The following HS1BP3 variants were observed in gnomAD, a reference collection of about 807,000 sequenced individuals.
HS1BP3 encodes the protein HCLS1 binding protein 3, also known as HCLS1-binding protein 3.
HS1BP3 carries 32 observed loss-of-function variants against 33.5 expected under a neutral mutation model. The ratio of observed to expected loss-of-function variants is 0.95; its 90% CI spans 0.72 to 1.28. The LOEUF is 1.28. Among genes scored for constraint, HS1BP3 ranks in the 50% most tolerant of loss-of-function variants. HS1BP3 has a pLI of 0.00. For missense variants in HS1BP3, 486 were observed against 502.3 expected (o/e 0.97, Z 0.31); for synonymous variants, 187 against 209.2 (o/e 0.89, Z 0.92).
chr2:20,558,213 G>A (rs909426391), downstream of HS1BP3, among the ~76,000 whole-genome samples: 2 of 152,190 alleles, frequency 1.3e-5, no homozygotes, highest in African/African-American at 2.4e-5. Context: ...GAAGAGGTGG[G>A]AGAGGGAATA....
intron 4 of HS1BP3, among the ~76,000 whole-genome samples, chr2:20,629,250 G>A (rs1694894285): frequency 6.6e-6 from 1 of 152,132 alleles, no homozygotes; most frequent in Non-Finnish European, 1.5e-5. Context: ...ATGGAGTCGG[G>A]TCAGGTCGCA....
intron 1 of HS1BP3, among the ~76,000 whole-genome samples, chr2:20,648,082 C>T (rs553605153): frequency 2.0e-5 from 3 of 152,208 alleles, no homozygotes; most frequent in Non-Finnish European, 2.9e-5. Flanking sequence ...GCAGCGGCTC[C>T]GAGGCCCTCC....
intron 6 of HS1BP3, chr2:20,623,456 T>G (rs1372819400): frequency 6.5e-6 from 1 of 154,930 alleles, no homozygotes; most frequent in Non-Finnish European, 1.4e-5. Flanking sequence ...CTGTGAAAGC[T>G]GCCGACCGGG....
intron 3 of HS1BP3, 136 bp downstream of exon 3, chr2:20,640,837 G>A: frequency 1.2e-6 from 1 of 822,132 alleles, no homozygotes; most frequent in Non-Finnish European, 2.0e-6. Flanking sequence ...TGTCAGCGAG[G>A]CCACCTGCCT....
At chr2:20,606,378 C>A in intron 2 of HS1BP3, 1 of 465,726 alleles carries the variant, frequency 2.1e-6, no homozygotes, top group South Asian at 1.8e-5. Flanking sequence ...GAGTCCTTTG[C>A]TAAGGAGCTC....
chr2:20,581,856 G>A (rs57100514), intron 5 of HS1BP3, among the ~76,000 whole-genome samples: 425 of 152,320 alleles, frequency 2.8e-3, no homozygotes, highest in African/African-American at 9.6e-3. Context: ...TCTGCTGCTA[G>A]TTGTAGGCCA....
rs1168138384 is a variant in HS1BP3 at position 20,617,916 on chromosome 2, A to G, written c.*1071T>C. ...GTGTACCAGCGCTCTGGGGGTCGGG[A>G]GAAGTCTAAGGCACGGGCCCTGCCC... is the stretch of plus-strand genomic sequence containing the variant. On this transcript the variant is annotated 3_prime_UTR_variant, in exon 7 of 7. Coordinates refer to ENST00000304031, the MANE Select transcript of HS1BP3 (RefSeq NM_022460.4). The G allele has an allele frequency of 6.6e-6, 1 of 152,584 alleles. No individual in the cohort carries two copies. The highest frequency in any genetic ancestry group is 2.4e-5 in the African/African-American group (1 of 41,440). 9.5% of individuals were successfully genotyped at this position (152,584 alleles called of 1,614,324 possible). A position where few individuals can be genotyped will look rare whatever the true frequency, so the allele number is the denominator to read the frequency against.
intron 2 of HS1BP3, among the ~76,000 whole-genome samples, chr2:20,605,169 G>C (rs1014674126): frequency 2.0e-5 from 3 of 152,180 alleles, no homozygotes; most frequent in Non-Finnish European, 4.4e-5. Flanking sequence ...TTATTCACAG[G>C]AAGTGCACAA....
downstream of HS1BP3, among the ~76,000 whole-genome samples, chr2:20,556,999 G>A (rs984602429): frequency 1.3e-5 from 2 of 152,182 alleles, no homozygotes; most frequent in African/African-American, 4.8e-5. Context: ...TCTACCCCAT[G>A]CCTTCCTGTC....
chr2:20,562,208 G>C (rs1014835364), intron 5 of HS1BP3, among the ~76,000 whole-genome samples: 4 of 152,186 alleles, frequency 2.6e-5, no homozygotes, highest in African/African-American at 7.2e-5. Flanking sequence ...GTCAGGCACT[G>C]TGGCTCACAC....
chr2:20,592,838 T>C (rs1693850220), intron 3 of HS1BP3: 1 of 152,282 alleles, frequency 6.6e-6, no homozygotes, highest in South Asian at 2.1e-4. Flanking sequence ...CAGGATGATC[T>C]CATCTTGAGA....
intron 2 of HS1BP3, among the ~76,000 whole-genome samples, chr2:20,612,815 T>A (rs952444347): frequency 2.6e-5 from 4 of 152,222 alleles, no homozygotes; most frequent in African/African-American, 9.6e-5. Context: ...TCTCTTTCTC[T>A]TTAGGTATAT....
At chr2:20,624,175 T>A in intron 5 of HS1BP3, 144 bp from the exon 6 acceptor site, 1 of 1,082,704 alleles carries the variant, frequency 9.2e-7, no homozygotes, top group Non-Finnish European at 1.3e-6. Flanking sequence ...TAACTGGTGC[T>A]GCTTTGTAAC....
At chr2:20,636,992 G>C (rs1431169360) in intron 4 of HS1BP3, 1 of 151,860 alleles carries the variant, frequency 6.6e-6, no homozygotes, top group Non-Finnish European at 1.5e-5. Context: ...GGATTCAGGG[G>C]TGAGGGCCCC....
At chr2:20,588,386 A>G (rs1044717438), downstream of HS1BP3, among the ~76,000 whole-genome samples, 2 of 152,134 alleles carry the variant, frequency 1.3e-5, no homozygotes, top group African/African-American at 2.4e-5. Flanking sequence ...GCACCATCTC[A>G]GCTCACTGCA....
chr2:20,613,030 A>T (rs1352533233), downstream of HS1BP3, among the ~76,000 whole-genome samples: 1 of 152,140 alleles, frequency 6.6e-6, no homozygotes, highest in Non-Finnish European at 1.5e-5. Context: ...CCTAGGTGTA[A>T]AATGAAGCCA....
At position 20,599,649 on chromosome 2, in the gene HS1BP3, C is replaced by CACAT. The variant is rs1553317640; in HGVS notation, c.179-1385_179-1384insATGT. ...ACACACACACACACACACACACACA[C>CACAT]TCTGTTTTTTTTTTTTTAAAGATCT... On this transcript the variant is annotated intron_variant, in intron 2 of 3. Coordinates refer to the HS1BP3 transcript ENST00000415264. Among the ~76,000 whole-genome samples the CACAT allele has an allele frequency of 2.0e-3, 282 of 138,922 alleles. 2 individuals carry two copies. Among genetic ancestry groups the CACAT allele is most frequent in the Non-Finnish European group, 2.7e-3 (179 of 66,410 alleles). 91.1% of individuals were successfully genotyped at this position (138,922 alleles called of 152,430 possible). A position where few individuals can be genotyped will look rare whatever the true frequency, so the allele number is the denominator to read the frequency against.
At chr2:20,561,937 A>C (rs1693007643) in intron 5 of HS1BP3, among the ~76,000 whole-genome samples, 1 of 152,210 alleles carries the variant, frequency 6.6e-6, no homozygotes, top group African/African-American at 2.4e-5. Flanking sequence ...GGGGTGGAAG[A>C]GAGGCTGAAG....
intron 3 of HS1BP3, among the ~76,000 whole-genome samples, chr2:20,639,514 A>C (rs978040439): frequency 6.6e-6 from 1 of 152,246 alleles, no homozygotes; most frequent in Non-Finnish European, 1.5e-5. Context: ...GACTTTTAAT[A>C]AAATCACCTT....
Sources: gnomAD v4.1 joint callset for allele counts (sites outside exome capture counted in the v4.1 genomes callset) on GRCh38, gnomAD v4.1.1 for gene constraint, MANE v1.5 for transcripts, NCBI Gene and HGNC (gene_info 2026-07-23, HGNC 2026-07-21) for gene names.